Variants in FHIT observed in about 807,000 individuals in gnomAD.
FHIT encodes fragile histidine triad diadenosine triphosphatase.
A neutral mutation model predicts 17.9 loss-of-function variants in FHIT; 19 were observed. That is an observed-to-expected ratio of 1.06 (90% CI 0.74 to 1.56). The LOEUF is 1.56. Among genes scored for constraint, FHIT ranks in the 40% most tolerant of loss-of-function variants. FHIT has a pLI of 0.00. For missense variants in FHIT, 248 were observed against 189.2 expected, an observed-to-expected ratio of 1.31 and a Z score of -1.82; for synonymous variants, 81 against 69.7, an observed-to-expected ratio of 1.16 and a Z score of -0.81.
At chr3:60,577,105 T>G (rs1016406759) in intron 4 of FHIT, among the ~76,000 whole-genome samples, 4 of 152,106 alleles carry the variant, frequency 2.6e-5, no homozygotes, top group Admixed American at 6.5e-5. Flanking sequence ...GGACACTGAT[T>G]AAAAATATAA....
chr3:61,038,636 C>T lies in FHIT; in HGVS notation c.-111+3411G>A, dbSNP rs370436788. Among the ~76,000 whole-genome samples, 3 of 151,976 alleles carry T rather than the reference C, an allele frequency of 2.0e-5. No individual in the cohort carries two copies. The East Asian group carries it at 5.8e-4, about 29-fold the overall frequency. On this transcript the variant is annotated intron_variant, in intron 3 of 9. Coordinates refer to ENST00000492590, the MANE Select transcript of FHIT (RefSeq NM_002012.4). ...CATTGTGCTTAAGTACAAAAATGCCCATATTTGTTACAGCTGCATTCTGAA... is the reference window on the plus strand; with the variant it reads ...CATTGTGCTTAAGTACAAAAATGCCTATATTTGTTACAGCTGCATTCTGAA...
intron 3 of FHIT, among the ~76,000 whole-genome samples, chr3:60,859,605 C>A (rs782046311): frequency 1.3e-5 from 2 of 151,880 alleles, no homozygotes; most frequent in Non-Finnish European, 2.9e-5. Flanking sequence ...TTCTCAGGCA[C>A]CCTGAAGGCT....
At chr3:60,715,558 G>A (rs1386663657) in intron 4 of FHIT, among the ~76,000 whole-genome samples, 2 of 147,322 alleles carry the variant, frequency 1.4e-5, no homozygotes, top group African/African-American at 5.0e-5. Context: ...ACTCATAGAT[G>A]GGAATTGAAC....
At chr3:61,167,887 C>A (rs2037888433) in intron 2 of FHIT, among the ~76,000 whole-genome samples, 1 of 152,070 alleles carries the variant, frequency 6.6e-6, no homozygotes, top group Non-Finnish European at 1.5e-5. Context: ...AAAGGAAACC[C>A]AATTTCAGTG....
At chr3:60,228,108 A>G (rs1432793998) in intron 5 of FHIT, among the ~76,000 whole-genome samples, 1 of 152,174 alleles carries the variant, frequency 6.6e-6, no homozygotes, top group Admixed American at 6.5e-5. Context: ...TAATGGCAAC[A>G]ACAACAATAA....
intron 4 of FHIT, among the ~76,000 whole-genome samples, chr3:60,609,404 C>T (rs1168936958): frequency 6.6e-6 from 1 of 152,156 alleles, no homozygotes; most frequent in South Asian, 2.1e-4. Flanking sequence ...CAGCTCACTG[C>T]AATCTCCGCC....
At chr3:60,622,501 T>G (rs1370800967) in intron 4 of FHIT, among the ~76,000 whole-genome samples, 1 of 152,180 alleles carries the variant, frequency 6.6e-6, no homozygotes, top group Non-Finnish European at 1.5e-5. Flanking sequence ...TGATGTGAAT[T>G]GTATCCACAG....
intron 5 of FHIT, among the ~76,000 whole-genome samples, chr3:60,471,692 CTTTTGTTCTTATGAAGGTACTT>C (rs1445691394): frequency 6.6e-6 from 1 of 152,046 alleles, no homozygotes; most frequent in Non-Finnish European, 1.5e-5. Flanking sequence ...CCCACCTGGT[CTTTTGTTCTTATGAAGGTACTT>C]TTTTGTATGT....
At chr3:61,112,822 T>A (rs1321257038) in intron 2 of FHIT, among the ~76,000 whole-genome samples, 2 of 152,124 alleles carry the variant, frequency 1.3e-5, no homozygotes, top group Non-Finnish European at 2.9e-5. Flanking sequence ...CTGAACAGAC[T>A]AACGGTCAAG....
rs1702318378 is a variant in FHIT, at chr3:59,859,518, G to T, written c.348+62828C>A. Reference sequence around the variant, plus strand: ...GGATCACCTGAGGTTAGGAGTTCAAGCCCAGCCTGGCCAACATGGTGAAAC... The same window carrying T: ...GGATCACCTGAGGTTAGGAGTTCAATCCCAGCCTGGCCAACATGGTGAAAC... On this transcript the variant is annotated intron_variant, in intron 8 of 9. Transcript: ENST00000492590. Among the ~76,000 whole-genome samples the T allele has an allele frequency of 2.0e-5, 3 of 152,312 alleles. No homozygotes were observed. The South Asian group carries it at 6.2e-4, about 32-fold the overall frequency.
intron 7 of FHIT, among the ~76,000 whole-genome samples, chr3:59,943,135 C>G (rs776469499): frequency 6.6e-6 from 1 of 151,984 alleles, no homozygotes; most frequent in Admixed American, 6.6e-5. Context: ...ATAGTTTTGC[C>G]GAGATCTTAC....
intron 5 of FHIT, among the ~76,000 whole-genome samples, chr3:60,358,316 C>T (rs190670585): frequency 6.6e-6 from 1 of 152,158 alleles, no homozygotes; most frequent in African/African-American, 2.4e-5. Flanking sequence ...ATGTATTTGG[C>T]TGAGAAGTTT....
chr3:59,831,409 T>G (rs992363509), intron 8 of FHIT, among the ~76,000 whole-genome samples: 1 of 152,116 alleles, frequency 6.6e-6, no homozygotes, highest in Non-Finnish European at 1.5e-5. Flanking sequence ...TATTATCTCC[T>G]TTTGATGAAT....
At chr3:60,224,197 T>C (rs1704086378) in intron 5 of FHIT, among the ~76,000 whole-genome samples, 1 of 152,062 alleles carries the variant, frequency 6.6e-6, no homozygotes, top group South Asian at 2.1e-4. Context: ...CCTTCCGCTA[T>C]CTTCCAGAAG....
chr3:60,636,558 G>A (rs1414477464), intron 4 of FHIT, among the ~76,000 whole-genome samples: 3 of 152,098 alleles, frequency 2.0e-5, no homozygotes, highest in Admixed American at 6.5e-5. Flanking sequence ...AGAAAATAAC[G>A]CAAGATCAAG....
chr3:60,233,107 G>A (rs572177642), intron 5 of FHIT, among the ~76,000 whole-genome samples: 3 of 151,984 alleles, frequency 2.0e-5, no homozygotes, highest in Non-Finnish European at 4.4e-5. Flanking sequence ...ATTGAAACTC[G>A]GCAATGGGTA....
At chr3:59,841,125 C>T (rs902902180) in intron 8 of FHIT, among the ~76,000 whole-genome samples, 1 of 152,084 alleles carries the variant, frequency 6.6e-6, no homozygotes, top group Non-Finnish European at 1.5e-5. Flanking sequence ...AGTCCATAGC[C>T]CCTTTGATGG....
At chr3:60,605,682 C>T (rs551399619) in intron 4 of FHIT, among the ~76,000 whole-genome samples, 1 of 152,116 alleles carries the variant, frequency 6.6e-6, no homozygotes, top group African/African-American at 2.4e-5. Context: ...GTAATGGAAA[C>T]AACTAACATC....
intron 5 of FHIT, among the ~76,000 whole-genome samples, chr3:60,174,170 G>C (rs1051547578): frequency 6.6e-6 from 1 of 151,064 alleles, no homozygotes; most frequent in Non-Finnish European, 1.5e-5. Context: ...TCAGCCTCCC[G>C]AAGTGCTGGG....
Sources: gnomAD v4.1 joint callset for allele counts (sites outside exome capture counted in the v4.1 genomes callset) on GRCh38, gnomAD v4.1.1 for gene constraint, MANE v1.5 for transcripts, NCBI Gene and HGNC (gene_info 2026-07-23, HGNC 2026-07-21) for gene names.